The following AKAP8L variants were observed in gnomAD, a reference collection of about 807,000 sequenced individuals.
AKAP8L encodes A-kinase anchoring protein 8 like, also known as A-kinase anchor protein 8-like.
In AKAP8L, 34 loss-of-function variants were observed where a neutral mutation model predicts 77.5. The observed-to-expected ratio is 0.44, with a 90% confidence interval of 0.33 to 0.58. The LOEUF is 0.58. AKAP8L is among the 20% of genes least tolerant of loss of function. AKAP8L has a pLI of 0.02. For synonymous variants in AKAP8L, 342 were observed against 340.7 expected, an observed-to-expected ratio of 1.00 and a Z score of -0.04; for missense variants, 806 against 887.6, an observed-to-expected ratio of 0.91 and a Z score of 1.17.
In AKAP8L at chr19:15,397,375, G is replaced by A; in HGVS notation, c.1406-95C>T. ...AACCACACCAGCTCCTCCTCAACTCGCCCTGCCACTTCCACCTGGGCCTGA... is the reference window on the plus strand; with the variant it reads ...AACCACACCAGCTCCTCCTCAACTCACCCTGCCACTTCCACCTGGGCCTGA... On this transcript the variant is annotated intron_variant, in intron 11 of 13. Coordinates refer to ENST00000397410, the MANE Select transcript of AKAP8L (RefSeq NM_014371.4). This position sits in a 1 kb window ranked among gnomAD's most constrained non-coding sequence, Gnocchi z 4.7. The A allele has an allele frequency of 1.3e-6, 2 of 1,519,334 alleles. No individual in the cohort carries two copies. Among genetic ancestry groups the A allele is most frequent in the South Asian group, 2.4e-5 (2 of 84,950 alleles). 94.1% of individuals were successfully genotyped at this position (1,519,334 alleles called of 1,614,324 possible). A position where few individuals can be genotyped will look rare whatever the true frequency, so the allele number is the denominator to read the frequency against.
Position 15,404,060 on chromosome 19 carries a change from G to A in AKAP8L, c.89-18C>T, listed in dbSNP as rs1222735639. 5 of 1,612,836 alleles carry A rather than the reference G, an allele frequency of 3.1e-6. No homozygotes were observed. In the Admixed American group the frequency reaches 5.0e-5, roughly 16 times the overall value. ...TCCATATCCTACAAAAAGTAAAAGG[G>A]CAGTTACATCTATACTTGCTTACAA... On this transcript the variant is annotated intron_variant, in intron 2 of 13. Coordinates refer to ENST00000397410, the MANE Select transcript of AKAP8L (RefSeq NM_014371.4).
In AKAP8L at chr19:15,380,133, C is replaced by T. The variant is rs548504573; in HGVS notation, c.1930G>A (p.Gly644Ser). The T allele has an allele frequency of 1.4e-5, 21 of 1,496,036 alleles. No homozygotes were observed. Among genetic ancestry groups the T allele is most frequent in the Non-Finnish European group, 1.7e-5 (19 of 1,131,892 alleles). 92.7% of individuals were successfully genotyped at this position (1,496,036 alleles called of 1,614,324 possible). The change falls in exon 14 of 14, where the codon GGC becomes AGC. Residue 644 changes from glycine (G) to serine (S), a missense_variant. This residue lies in a region of AKAP8L where 226 missense variants were observed against 193.5 expected (regional missense o/e 1.17). Coordinates refer to ENST00000397410, the MANE Select transcript of AKAP8L (RefSeq NM_014371.4). ...DVEDDEEGGG[G>S]AP ...GCCCCGAGCTCGGGTCACGGGGCGC[C>T]CCCGCCGCCCTCCTCGTCGTCCTCC...
chr19:15,411,829 G>A (rs1251889056), intron 1 of AKAP8L, among the ~76,000 whole-genome samples: 1 of 152,002 alleles, frequency 6.6e-6, no homozygotes, highest in Non-Finnish European at 1.5e-5. Context: ...AAGGGGGGGT[G>A]GACTGGTTGA....
intron 12 of AKAP8L, among the ~76,000 whole-genome samples, chr19:15,393,487 G>T (rs1161824132): frequency 1.3e-5 from 2 of 151,970 alleles, no homozygotes; most frequent in African/African-American, 4.8e-5. Flanking sequence ...AATGCACAAA[G>T]AACTTGAATA....
rs770156430 is a variant in AKAP8L, at chr19:15,400,851, C to G, written c.927G>C (p.Glu309Asp). Residue 309 changes from glutamate (E) to aspartate (D), a missense_variant, in exon 7 of 14, where the codon GAG becomes GAC. Glu to Asp is a conservative substitution (Grantham distance 45). Coordinates refer to ENST00000397410, the MANE Select transcript of AKAP8L (RefSeq NM_014371.4). ...NSDSDNDEGTEGEATEGLEGT... is the reference protein window; with the variant it reads ...NSDSDNDEGTDGEATEGLEGT... The stretch of plus-strand genomic sequence containing the variant: ...CTTCAAGGCCCTCTGTGGCTTCCCC[C>G]TCGGTGCCCTCATCTGAAAGGGAAA... 7 of 1,613,924 alleles carry G rather than the reference C, an allele frequency of 4.3e-6. No homozygotes were observed. The African/African-American group carries it at 5.3e-5, about 12-fold the overall frequency.
At position 15,400,792 on chromosome 19, in the gene AKAP8L, A is replaced by G; in HGVS notation, c.984+2T>C. The G allele has an allele frequency of 6.2e-7, 1 of 1,613,854 alleles. No individual in the cohort carries two copies. Among genetic ancestry groups the G allele is most frequent in the Non-Finnish European group, 8.5e-7 (1 of 1,179,872 alleles). On this transcript the variant is annotated splice_donor_variant, in intron 7 of 13. Transcript: ENST00000397410. LOFTEE classifies it high-confidence loss of function. ...AGAAAATGCCCAGCCAGAGCCACTT[A>G]CCACTCTGGAGCCCTTCTCCACAGC...
chr19:15,395,366 C>T (rs1245933138), intron 12 of AKAP8L, among the ~76,000 whole-genome samples: 1 of 151,362 alleles, frequency 6.6e-6, no homozygotes, highest in Non-Finnish European at 1.5e-5. Flanking sequence ...GCAGATTGCT[C>T]TGCGAGTGGC....
chr19:15,391,526 T>A (rs984930886), intron 12 of AKAP8L, among the ~76,000 whole-genome samples: 18 of 149,894 alleles, frequency 1.2e-4, no homozygotes, highest in African/African-American at 3.7e-4. Context: ...TTTATGTTTT[T>A]ATTTTTATTT....
At chr19:15,384,918 T>C (rs1317969105) in intron 12 of AKAP8L, among the ~76,000 whole-genome samples, 1 of 152,050 alleles carries the variant, frequency 6.6e-6, no homozygotes, top group Non-Finnish European at 1.5e-5. Context: ...TCGCCCAGGC[T>C]GGAGTGCAGT....
At chr19:15,394,537 T>G (rs1021523292) in intron 12 of AKAP8L, among the ~76,000 whole-genome samples, 1 of 152,158 alleles carries the variant, frequency 6.6e-6, no homozygotes, top group Non-Finnish European at 1.5e-5. Flanking sequence ...AATTGGTTTT[T>G]TTTTTCATTT....
Position 15,398,905 on chromosome 19 carries a change from G to A in AKAP8L, c.1157+397C>T, listed in dbSNP as rs895006140. On this transcript the variant is annotated intron_variant, in intron 9 of 13. Transcript: ENST00000397410. The surrounding 1 kb of genome is among the most constrained non-coding windows in gnomAD (Gnocchi z 9.2). ...AGGTGCTGCCATCTCTCCTGGGCAC[G>A]GCGGTGGCCTCTTGGCAGCTAGCTG... 4.7e-5 allele frequency: 34 copies of A among 717,748 alleles called. No homozygotes were observed. The highest frequency in any genetic ancestry group is 5.1e-5 in the Non-Finnish European group (28 of 552,800). 44.5% of individuals were successfully genotyped at this position (717,748 alleles called of 1,614,324 possible).
At chr19:15,385,905 C>A (rs1568261512) in intron 12 of AKAP8L, among the ~76,000 whole-genome samples, 1 of 142,922 alleles carries the variant, frequency 7.0e-6, no homozygotes, top group East Asian at 2.1e-4. Flanking sequence ...AGCCAACTTT[C>A]TTTCTTTTTT....
Position 15,380,512 on chromosome 19 carries a change from C to T in AKAP8L, c.1632+5G>A, listed in dbSNP as rs989194293. 1.9e-6 allele frequency: 3 copies of T among 1,613,864 alleles called. No homozygotes were observed. Among genetic ancestry groups the T allele is most frequent in the Non-Finnish European group, 2.5e-6 (3 of 1,179,888 alleles). On this transcript the variant is annotated splice_donor_5th_base_variant and intron_variant, in intron 13 of 13. Transcript: ENST00000397410. ...GGACAGGGCAGGCCCGGACCAGTGC[C>T]TCACCTTCAGGTAGCGCTCCAGCTT...
chr19:15,414,190 G>A (rs953550295), intron 1 of AKAP8L, among the ~76,000 whole-genome samples: 5 of 149,148 alleles, frequency 3.4e-5, no homozygotes, highest in East Asian at 2.0e-4. Context: ...TCAGCCTCCC[G>A]AGTAGCTGGG....
At chr19:15,402,496 TAAG>T (rs1967919726) in intron 4 of AKAP8L, among the ~76,000 whole-genome samples, 1 of 152,158 alleles carries the variant, frequency 6.6e-6, no homozygotes, top group East Asian at 1.9e-4. Context: ...CAGGCTGTGG[TAAG>T]AAGGTGCATA....
At chr19:15,384,733 G>A (rs1034334024) in intron 12 of AKAP8L, among the ~76,000 whole-genome samples, 1 of 152,112 alleles carries the variant, frequency 6.6e-6, no homozygotes, top group Non-Finnish European at 1.5e-5. Flanking sequence ...CTTTTTGTAC[G>A]CTATTTTGAA....
chr19:15,400,911 A>G (rs1415261904), intron 6 of AKAP8L, 36 bp downstream of exon 6: 1 of 1,613,820 alleles, frequency 6.2e-7, no homozygotes, highest in African/African-American at 1.3e-5. Flanking sequence ...TCCCAGAGGC[A>G]GGGGGCAGCC....
At position 15,399,667 on chromosome 19, in the gene AKAP8L, C is replaced by T. The variant is rs1599605966; in HGVS notation, c.1049-257G>A. 2 of 513,018 alleles carry T rather than the reference C, an allele frequency of 3.9e-6. No homozygotes were observed. The highest frequency in any genetic ancestry group is 7.0e-5 in the East Asian group (2 of 28,764). The allele number at this position is 513,018 out of a possible 1,614,324, so 31.8% of individuals were successfully genotyped here. A position where few individuals can be genotyped will look rare whatever the true frequency, so the allele number is the denominator to read the frequency against. Reference sequence around the variant, plus strand: ...CACCCATGCTCTCTGTGCAGTGGGCCAGGAGGAGGCTGGAAAGCAAAGAGG... The same window carrying T: ...CACCCATGCTCTCTGTGCAGTGGGCTAGGAGGAGGCTGGAAAGCAAAGAGG... On this transcript the variant is annotated intron_variant, in intron 8 of 13. Coordinates refer to ENST00000397410, the MANE Select transcript of AKAP8L (RefSeq NM_014371.4). The surrounding 1 kb of genome is among the most constrained non-coding windows in gnomAD (Gnocchi z 6.1).
At chr19:15,411,714 C>T (rs1968108148) in intron 1 of AKAP8L, among the ~76,000 whole-genome samples, 1 of 152,130 alleles carries the variant, frequency 6.6e-6, no homozygotes, top group African/African-American at 2.4e-5. Context: ...ATTATATATA[C>T]ATAAAATTTC....
Sources: allele counts gnomAD v4.1 joint callset (sites outside exome capture counted in the v4.1 genomes callset), GRCh38; gene constraint gnomAD v4.1.1; regional missense constraint gnomAD v4.1.1; non-coding constraint Gnocchi (gnomAD v3.1); transcripts MANE v1.5; gene names NCBI Gene and HGNC (gene_info 2026-07-23, HGNC 2026-07-21).